TSR1: variants seen among roughly 807,000 people sequenced by gnomAD.
The protein encoded by TSR1 is pre-rRNA-processing protein TSR1 homolog.
TSR1 carries 81 observed loss-of-function variants against 90.9 expected under a neutral mutation model. The ratio of observed to expected loss-of-function variants is 0.89; its 90% confidence interval spans 0.74 to 1.07. The LOEUF is 1.07. TSR1 is among the 50% of genes least tolerant of loss of function. The pLI, the probability that TSR1 is intolerant of heterozygous loss-of-function variation, is 0.00. For synonymous variants in TSR1, 362 were observed against 348.8 expected (o/e 1.04, Z -0.42); for missense variants, 989 against 987.3 (o/e 1.00, Z -0.02).
At chr17:2,329,300 C>T in intron 11 of TSR1, 43 bp downstream of exon 11, 1 of 1,611,688 alleles carries the variant, frequency 6.2e-7, no homozygotes, top group Non-Finnish European at 8.5e-7. Context: ...GTCACTTTCC[C>T]AAAAGACAAG....
chr17:2,325,618 T>C (rs2075571941), intron 11 of TSR1, among the ~76,000 whole-genome samples, 198 bp from the exon 12 acceptor site: 1 of 152,080 alleles, frequency 6.6e-6, no homozygotes, highest in African/African-American at 2.4e-5. Context: ...CTTTTTTTTT[T>C]TCTTTTTTTT....
intron 12 of TSR1, chr17:2,325,038 CA>C: frequency 1.6e-6 from 1 of 616,548 alleles, no homozygotes; most frequent in Non-Finnish European, 2.7e-6. Context: ...TGATGTATAA[CA>C]AAACCATACT....
At chr17:2,335,224 A>T (rs1478615466) in intron 4 of TSR1, 36 bp downstream of exon 4, 1 of 1,604,730 alleles carries the variant, frequency 6.2e-7, no homozygotes, top group Admixed American at 1.7e-5. Context: ...AGTGCCTGAC[A>T]AATTAAAGGT....
chr17:2,324,619 C>T, intron 13 of TSR1, 41 bp from the exon 14 acceptor site: 1 of 1,613,940 alleles, frequency 6.2e-7, no homozygotes, highest in Non-Finnish European at 8.5e-7. Flanking sequence ...GAAACATTTA[C>T]CCACAAAATG....
chr17:2,333,550 T>C lies in TSR1; in HGVS notation c.1141+7A>G, dbSNP rs1408985040. On this transcript the variant is annotated splice_region_variant and intron_variant, in intron 6 of 14. Transcript: ENST00000301364. ...GATGAATTACAGACAAGTTTACCAATACTGACCCTTTGCCTCGCTCAGCTC... is the reference window on the plus strand; with the variant it reads ...GATGAATTACAGACAAGTTTACCAACACTGACCCTTTGCCTCGCTCAGCTC... 4 of 1,614,034 alleles carry C rather than the reference T, an allele frequency of 2.5e-6. No homozygotes were observed. The South Asian group carries it at 3.3e-5, about 13-fold the overall frequency.
Position 2,334,696 on chromosome 17 carries a change from G to C in TSR1, c.757C>G (p.Leu253Val), listed in dbSNP as rs759410971. The C allele has an allele frequency of 8.7e-6, 14 of 1,613,474 alleles. No individual in the cohort carries two copies. Among genetic ancestry groups the C allele is most frequent in the Non-Finnish European group, 1.2e-5 (14 of 1,180,046 alleles). ...HLAFRDRRAY[L>V]FAHAVDFVPS... ...ACAAAATCAACAGCATGGGCAAATA[G>C]GTAGGCCCGCCGATCTCGAAAAGCA... The change falls in exon 5 of 15, where the codon CTA becomes GTA. Residue 253 changes from leucine to valine, a missense_variant. By Grantham distance (32) the Leu-to-Val change is conservative. Transcript: ENST00000301364.
At position 2,334,905 on chromosome 17, in the gene TSR1, G is replaced by A. The variant is rs1469605707; in HGVS notation, c.557-9C>T. ...CCCCTGGACAGCTAGTGCTGTAAGC[G>A]AAAGAGAAAACGCTTCATGACCTAC... is the stretch of plus-strand genomic sequence containing the variant. On this transcript the variant is annotated splice_polypyrimidine_tract_variant and intron_variant, in intron 4 of 14. Transcript: ENST00000301364. The A allele has an allele frequency of 2.9e-5, 46 of 1,601,482 alleles. No individual in the cohort carries two copies. Among genetic ancestry groups the A allele is most frequent in the Non-Finnish European group, 3.5e-5 (41 of 1,174,592 alleles).
intron 11 of TSR1, among the ~76,000 whole-genome samples, chr17:2,327,889 T>C (rs2075583927): frequency 6.6e-6 from 1 of 152,160 alleles, no homozygotes; most frequent in Admixed American, 6.5e-5. Context: ...ATTCCTTATT[T>C]TCCCAACTGT....
intron 3 of TSR1, 35 bp downstream of exon 3, chr17:2,335,476 C>T (rs1156357483): frequency 1.9e-6 from 3 of 1,597,488 alleles, no homozygotes; most frequent in Non-Finnish European, 2.6e-6. Context: ...TACCACTACT[C>T]AAACATAATA....
chr17:2,335,514 G>A lies in TSR1; in HGVS notation c.418C>T (p.Pro140Ser). The A allele has an allele frequency of 1.2e-6, 2 of 1,613,782 alleles. No individual in the cohort carries two copies. The highest frequency in any genetic ancestry group is 1.7e-6 in the Non-Finnish European group (2 of 1,179,946). ...KHRWFFTSAR[P>S]GDLHVVLDMA... ...AAATATTGGTGTATACTCTAACCTGGCCTTGCTGAGGTGAAAAACCACCGA... is the reference window on the plus strand; with the variant it reads ...AAATATTGGTGTATACTCTAACCTGACCTTGCTGAGGTGAAAAACCACCGA... The change falls in exon 3 of 15, where the codon CCA becomes TCA. Residue 140 changes from proline to serine, a missense_variant. Pro to Ser is a moderately conservative substitution (Grantham distance 74). Transcript: ENST00000301364.
At chr17:2,326,051 C>T (rs1363827722) in intron 11 of TSR1, among the ~76,000 whole-genome samples, 3 of 152,138 alleles carry the variant, frequency 2.0e-5, no homozygotes, top group Non-Finnish European at 4.4e-5. Context: ...CTCAGGCTCC[C>T]GAATAGCTGG....
At position 2,334,534 on chromosome 17, in the gene TSR1, C is replaced by G. The variant is rs766223989; in HGVS notation, c.919G>C (p.Asp307His). ...CCTCTAGGATTTAAAGGGAAAGGGT[C>G]TCCGGGGGCATCTATCTGTTTCATC... is the stretch of plus-strand genomic sequence containing the variant. ...FQMKQIDAPG[D>H]PFPLNPRGIK... Residue 307 changes from aspartate to histidine, a missense_variant, in exon 5 of 15, where the codon GAC becomes CAC. Asp to His is a moderately conservative substitution (Grantham distance 81). Transcript: ENST00000301364. 2 of 1,614,124 alleles carry G rather than the reference C, an allele frequency of 1.2e-6. No homozygotes were observed. The highest frequency in any genetic ancestry group is 2.7e-5 in the African/African-American group (2 of 75,028).
In TSR1 at chr17:2,333,736, G is replaced by A. The variant is rs1422814939; in HGVS notation, c.982-20C>T. ...ACAAATCTGAAAACCAAAAGCAGGTGATAGTCAACCATGAACCAAAAATCT... is the reference window on the plus strand; with the variant it reads ...ACAAATCTGAAAACCAAAAGCAGGTAATAGTCAACCATGAACCAAAAATCT... On this transcript the variant is annotated intron_variant, in intron 5 of 14. Coordinates refer to ENST00000301364, the MANE Select transcript of TSR1 (RefSeq NM_018128.5). 1.9e-6 allele frequency: 3 copies of A among 1,613,600 alleles called. No individual in the cohort carries two copies. The highest frequency in any genetic ancestry group is 8.5e-7 in the Non-Finnish European group (1 of 1,179,728).
Position 2,323,275 on chromosome 17 carries a change from G to A in TSR1, c.*921C>T, listed in dbSNP as rs750437545. On this transcript the variant is annotated 3_prime_UTR_variant, in exon 15 of 15. Coordinates refer to ENST00000301364, the MANE Select transcript of TSR1 (RefSeq NM_018128.5). ...GCAGATGGTGTCAAATCCAGCATTG[G>A]CTTGAACACCTGGCCTATTATCAGG... 7.2e-5 allele frequency: 116 copies of A among 1,614,012 alleles called. No homozygotes were observed. Among genetic ancestry groups the A allele is most frequent in the Non-Finnish European group, 9.3e-5 (110 of 1,180,002 alleles).
Position 2,335,703 on chromosome 17 carries a change from C to T in TSR1, c.229G>A (p.Gly77Ser). 6.2e-7 allele frequency: 1 copy of T among 1,613,584 alleles called. No individual in the cohort carries two copies. The highest frequency in any genetic ancestry group is 8.5e-7 in the Non-Finnish European group (1 of 1,180,004). Residue 77 changes from glycine to serine, a missense_variant, in exon 3 of 15, where the codon GGC (glycine) becomes AGC (serine). Gly to Ser is a moderately conservative substitution (Grantham distance 56, BLOSUM62 0). Transcript: ENST00000301364. ...AVLAEKRQLG[G>S]KDGPPHQVLV... ...ACCTGATGAGGAGGGCCATCCTTGCCACCCAGCTGTCTCTTCTCTGCCAGA... is the reference window on the plus strand; with the variant it reads ...ACCTGATGAGGAGGGCCATCCTTGCTACCCAGCTGTCTCTTCTCTGCCAGA...
intron 11 of TSR1, among the ~76,000 whole-genome samples, chr17:2,327,194 A>G (rs1406415505): frequency 6.6e-6 from 1 of 152,034 alleles, no homozygotes; most frequent in Non-Finnish European, 1.5e-5. Context: ...AGGCACGTGG[A>G]TCACCTGAGG....
At position 2,323,916 on chromosome 17, in the gene TSR1, C is replaced by T; in HGVS notation, c.*280G>A. On this transcript the variant is annotated 3_prime_UTR_variant, in exon 15 of 15. Coordinates refer to ENST00000301364, the MANE Select transcript of TSR1 (RefSeq NM_018128.5). The stretch of plus-strand genomic sequence containing the variant: ...GGTGGGAATTCAGTGTCTTTAGATA[C>T]TGAAGACATTTTGTTTCCTAGTATT... The T allele has an allele frequency of 1.3e-6, 2 of 1,546,700 alleles. No individual in the cohort carries two copies. The highest frequency in any genetic ancestry group is 2.7e-5 in the African/African-American group (2 of 73,518).
At chr17:2,336,252 CAGA>C (rs879095933) in intron 1 of TSR1, 76 bp downstream of exon 1, 44 of 1,602,202 alleles carry the variant, frequency 2.7e-5, no homozygotes, top group Middle Eastern at 3.3e-4. Context: ...AGACGGGAGA[CAGA>C]AGCTCAGTCT....
Position 2,335,566 on chromosome 17 carries a change from A to G in TSR1, c.366T>C (p.Phe122=). ...GTTTCAAGCGGGGGCACAGCAGCAT[A>G]AAGTTCTGGGTGTTTCCCAATTCAT... The part of the protein sequence containing the change: ...HLNELGNTQN[F]MLLCPRLKHR... The change falls in exon 3 of 15, where the codon TTT becomes TTC. Residue 122 remains phenylalanine (F), a synonymous_variant. Coordinates refer to ENST00000301364, the MANE Select transcript of TSR1 (RefSeq NM_018128.5). The G allele has an allele frequency of 6.2e-7, 1 of 1,614,184 alleles. No individual in the cohort carries two copies. Among genetic ancestry groups the G allele is most frequent in the Admixed American group, 1.7e-5 (1 of 60,022 alleles).
Sources: allele counts gnomAD v4.1 joint callset (sites outside exome capture counted in the v4.1 genomes callset), GRCh38; gene constraint gnomAD v4.1.1; transcripts MANE v1.5; gene names NCBI Gene and HGNC (gene_info 2026-07-23, HGNC 2026-07-21).